TAS2R1: variants seen among roughly 807,000 people sequenced by gnomAD.
TAS2R1 encodes taste 2 receptor member 1, also known as taste receptor type 2 member 1.
For missense variants in TAS2R1, 370 were observed against 353.4 expected, an observed-to-expected ratio of 1.05 and a Z score of -0.38; for synonymous variants, 141 against 134.2, an observed-to-expected ratio of 1.05 and a Z score of -0.35.
chr5:9,726,302 G>A, the TAS2R1 span, among the ~76,000 whole-genome samples: 4 of 152,164 alleles, frequency 2.6e-5, no homozygotes, highest in Non-Finnish European at 5.9e-5. Context: ...GGGAGGTGGA[G>A]AACCTTTGTG....
chr5:9,764,224 C>T, the TAS2R1 span, among the ~76,000 whole-genome samples: 1 of 152,206 alleles, frequency 6.6e-6, no homozygotes, highest in Non-Finnish European at 1.5e-5. Context: ...ATCACTTCTT[C>T]ATCTGAAATT....
the TAS2R1 span, among the ~76,000 whole-genome samples, chr5:9,763,252 C>T: frequency 6.6e-6 from 1 of 152,150 alleles, no homozygotes; most frequent in Non-Finnish European, 1.5e-5. Flanking sequence ...CGCCTGTAAT[C>T]CCAACACTTT....
chr5:9,785,843 T>C, the TAS2R1 span, among the ~76,000 whole-genome samples: 1 of 152,168 alleles, frequency 6.6e-6, no homozygotes, highest in Non-Finnish European at 1.5e-5. Context: ...TCTGCCATAT[T>C]AGGTTTCAAA....
At chr5:9,821,728 C>A in the TAS2R1 span, among the ~76,000 whole-genome samples, 1 of 152,196 alleles carries the variant, frequency 6.6e-6, no homozygotes, top group Non-Finnish European at 1.5e-5. Context: ...ACTGGAAAAT[C>A]ATTTGGTGGT....
the TAS2R1 span, among the ~76,000 whole-genome samples, chr5:9,784,939 G>A: frequency 6.6e-6 from 1 of 152,164 alleles, no homozygotes; most frequent in African/African-American, 2.4e-5. Context: ...CCTACTCTGA[G>A]ATCCTGGGGG....
chr5:9,800,738 A>G, the TAS2R1 span, among the ~76,000 whole-genome samples: 9 of 152,248 alleles, frequency 5.9e-5, no homozygotes, highest in Middle Eastern at 3.4e-3. Context: ...CAAATTATCC[A>G]TTGGCCCTGT....
chr5:9,681,620 C>T (rs1740998426), intron 1 of TAS2R1, among the ~76,000 whole-genome samples: 1 of 150,672 alleles, frequency 6.6e-6, no homozygotes, highest in Non-Finnish European at 1.5e-5. Flanking sequence ...CTAGATCTCT[C>T]TCAGAAAATG....
At chr5:9,705,139 A>C (rs1741576587) in intron 1 of TAS2R1, among the ~76,000 whole-genome samples, 2 of 152,352 alleles carry the variant, frequency 1.3e-5, no homozygotes, top group South Asian at 2.1e-4. Flanking sequence ...CCGCAAAAAA[A>C]AAATCCCACA....
chr5:9,853,900 A>T, the TAS2R1 span, among the ~76,000 whole-genome samples: 1 of 152,186 alleles, frequency 6.6e-6, no homozygotes, highest in Non-Finnish European at 1.5e-5. Context: ...TCCCAATAAC[A>T]TATTGGTCTA....
chr5:9,771,264 G>A, the TAS2R1 span, among the ~76,000 whole-genome samples: 1 of 152,162 alleles, frequency 6.6e-6, no homozygotes, highest in Admixed American at 6.5e-5. Flanking sequence ...TTCAGCATCA[G>A]TTGAAATGAT....
chr5:9,659,183 T>A (rs1740478400), intron 2 of TAS2R1, among the ~76,000 whole-genome samples: 2 of 152,124 alleles, frequency 1.3e-5, no homozygotes. Flanking sequence ...ACTCTCAAAG[T>A]GGACAATTGC....
the TAS2R1 span, among the ~76,000 whole-genome samples, chr5:9,753,178 G>T: frequency 2.6e-5 from 4 of 152,152 alleles, no homozygotes; most frequent in African/African-American, 7.2e-5. Context: ...GTGTAAAATT[G>T]TTCCTATTTC....
intron 1 of TAS2R1, among the ~76,000 whole-genome samples, chr5:9,704,140 G>A (rs1463587267): frequency 4.6e-5 from 7 of 152,222 alleles, no homozygotes; most frequent in Non-Finnish European, 1.0e-4. Flanking sequence ...GAGGTGCAGC[G>A]ATTCCCCTAT....
the TAS2R1 span, among the ~76,000 whole-genome samples, chr5:9,731,052 G>C: frequency 5.0e-4 from 76 of 152,128 alleles, no homozygotes; most frequent in African/African-American, 1.8e-3. Flanking sequence ...TAGCACATAG[G>C]TGGACTGAAA....
chr5:9,754,892 A>G, the TAS2R1 span, among the ~76,000 whole-genome samples: 3,474 of 152,278 alleles, frequency 0.023, 135 homozygotes, highest in African/African-American at 0.079. Flanking sequence ...GGAAAAAACT[A>G]CTTTAAAGTT....
the TAS2R1 span, among the ~76,000 whole-genome samples, chr5:9,888,526 G>A: frequency 3.9e-5 from 6 of 152,190 alleles, no homozygotes; most frequent in African/African-American, 1.4e-4. Context: ...ATGCATGTAT[G>A]AAGAGCCTTC....
chr5:9,673,754 T>C (rs1036410177), intron 1 of TAS2R1, among the ~76,000 whole-genome samples: 1 of 152,066 alleles, frequency 6.6e-6, no homozygotes, highest in African/African-American at 2.4e-5. Context: ...ATGAAGGCAA[T>C]AGGGCAAGGA....
the TAS2R1 span, among the ~76,000 whole-genome samples, chr5:9,778,609 T>C: frequency 1.7e-3 from 256 of 152,372 alleles, no homozygotes; most frequent in African/African-American, 5.8e-3. Context: ...TCTAGATAAC[T>C]TTCTGCACCT....
At chr5:9,743,693 A>G in the TAS2R1 span, among the ~76,000 whole-genome samples, 3 of 152,194 alleles carry the variant, frequency 2.0e-5, no homozygotes, top group African/African-American at 7.2e-5. Context: ...AATGTCACGA[A>G]TTGTACATAA....
Sources: gnomAD v4.1 joint callset for allele counts (sites outside exome capture counted in the v4.1 genomes callset) on GRCh38, gnomAD v4.1.1 for gene constraint, MANE v1.5 for transcripts, NCBI Gene and HGNC (gene_info 2026-07-23, HGNC 2026-07-21) for gene names.